TBC1D19: variants seen among roughly 807,000 people sequenced by gnomAD.
TBC1D19 encodes TBC1 domain family, member 19.
Under a neutral mutation model 89.0 loss-of-function variants are expected in TBC1D19, and 60 were observed. The observed-to-expected ratio is 0.67, with a 90% CI of 0.55 to 0.84. The LOEUF is 0.84. TBC1D19 is among the 40% of genes least tolerant of loss of function. The pLI is 0.00. For synonymous variants in TBC1D19, 189 were observed against 199.7 expected, an observed-to-expected ratio of 0.95 and a Z score of 0.45; for missense variants, 500 against 610.8, an observed-to-expected ratio of 0.82 and a Z score of 1.91.
At chr4:26,596,455 CGTGTGTGTGTGTGT>C (rs35226421) in intron 1 of TBC1D19, among the ~76,000 whole-genome samples, 3,375 of 145,094 alleles carry the variant, frequency 0.023, 124 homozygotes, top group African/African-American at 0.08. Flanking sequence ...AATGGTAACT[CGTGTGTGTGTGTGT>C]GTGTGTGTGT....
chr4:26,652,500 C>A (rs1009256809), intron 7 of TBC1D19, among the ~76,000 whole-genome samples: 41 of 152,294 alleles, frequency 2.7e-4, no homozygotes, highest in African/African-American at 9.9e-4. Context: ...TCTTGCCTCC[C>A]TGAGAGCTGG....
the TBC1D19 span, among the ~76,000 whole-genome samples, chr4:26,768,942 C>G: frequency 6.6e-6 from 1 of 151,692 alleles, no homozygotes; most frequent in African/African-American, 2.4e-5. Context: ...AATTAAAACT[C>G]TCCTGTCCAA....
chr4:26,638,662 G>T (rs2110075138), intron 5 of TBC1D19, 109 bp from the exon 6 acceptor site: 3 of 803,180 alleles, frequency 3.7e-6, no homozygotes, highest in Non-Finnish European at 6.0e-6. Flanking sequence ...AAATTATACT[G>T]TTATGGTCAT....
At chr4:26,702,068 C>G (rs1191905457) in intron 13 of TBC1D19, among the ~76,000 whole-genome samples, 1 of 152,120 alleles carries the variant, frequency 6.6e-6, no homozygotes, top group Non-Finnish European at 1.5e-5. Context: ...AGGGGCTTGA[C>G]AGGTAATAAA....
At chr4:26,844,423 G>A in the TBC1D19 span, among the ~76,000 whole-genome samples, 1 of 152,120 alleles carries the variant, frequency 6.6e-6, no homozygotes. Context: ...CTAGCTAAGT[G>A]GATTTCCAGA....
chr4:26,807,259 T>C, the TBC1D19 span, among the ~76,000 whole-genome samples: 2 of 152,056 alleles, frequency 1.3e-5, no homozygotes, highest in Non-Finnish European at 2.9e-5. Flanking sequence ...TCAGCCAAGG[T>C]AAGCCCAACA....
intron 1 of TBC1D19, among the ~76,000 whole-genome samples, chr4:26,605,663 C>A (rs1360434643): frequency 6.6e-6 from 1 of 152,172 alleles, no homozygotes; most frequent in Non-Finnish European, 1.5e-5. Flanking sequence ...AGTTTACAGT[C>A]CCACCAACAG....
intron 12 of TBC1D19, among the ~76,000 whole-genome samples, chr4:26,684,634 A>G (rs1713651348): frequency 6.6e-6 from 1 of 152,202 alleles, no homozygotes. Context: ...ATAGGATATG[A>G]ATAATTCTGA....
chr4:26,726,290 A>C lies in TBC1D19; in HGVS notation c.1084+6165A>C, dbSNP rs1717318951. Among the ~76,000 whole-genome samples the C allele has an allele frequency of 2.0e-5, 3 of 152,176 alleles. No individual in the cohort carries two copies. The South Asian group carries it at 6.2e-4, about 32-fold the overall frequency. On this transcript the variant is annotated intron_variant, in intron 15 of 20. Coordinates refer to ENST00000264866, the MANE Select transcript of TBC1D19 (RefSeq NM_018317.4). ...GACAGCCCCTTACAACAAAGATTAGATAAGGCTCTTAGAAGAAAAATAATC... is the reference window on the plus strand; with the variant it reads ...GACAGCCCCTTACAACAAAGATTAGCTAAGGCTCTTAGAAGAAAAATAATC...
the TBC1D19 span, among the ~76,000 whole-genome samples, chr4:26,772,043 G>T: frequency 6.6e-6 from 1 of 151,170 alleles, no homozygotes; most frequent in Non-Finnish European, 1.5e-5. Context: ...TATCAGAAAT[G>T]AGAGAGATAA....
At chr4:26,839,425 G>A in the TBC1D19 span, among the ~76,000 whole-genome samples, 3 of 151,982 alleles carry the variant, frequency 2.0e-5, no homozygotes, top group Non-Finnish European at 2.9e-5. Context: ...GTCTTGAATC[G>A]ATTTTTTTCT....
At chr4:26,621,490 T>G (rs1742043935) in intron 4 of TBC1D19, among the ~76,000 whole-genome samples, 1 of 152,182 alleles carries the variant, frequency 6.6e-6, no homozygotes, top group South Asian at 2.1e-4. Flanking sequence ...CAAAGGTACC[T>G]CAAAGAACTC....
chr4:26,655,484 G>A (rs1356272780), intron 7 of TBC1D19, among the ~76,000 whole-genome samples: 1 of 152,214 alleles, frequency 6.6e-6, no homozygotes, highest in Non-Finnish European at 1.5e-5. Context: ...AGTCTAGAGA[G>A]GCAAGCAGGC....
At chr4:26,726,298 C>T (rs1016035451) in intron 15 of TBC1D19, among the ~76,000 whole-genome samples, 2 of 151,978 alleles carry the variant, frequency 1.3e-5, no homozygotes, top group Admixed American at 6.6e-5. Flanking sequence ...AGATAAGGCT[C>T]TTAGAAGAAA....
chr4:26,738,382 T>C (rs541164877), intron 16 of TBC1D19, among the ~76,000 whole-genome samples: 1 of 151,754 alleles, frequency 6.6e-6, no homozygotes, highest in Non-Finnish European at 1.5e-5. Flanking sequence ...TATGCATCAT[T>C]TTTTAAAAAT....
upstream of TBC1D19, among the ~76,000 whole-genome samples, chr4:26,583,738 T>A (rs566037747): frequency 3.9e-4 from 60 of 152,332 alleles, 1 homozygote; most frequent in South Asian, 0.011. Context: ...ACGCAGGTAG[T>A]GTCAGAGCCT....
chr4:26,848,809 A>G, the TBC1D19 span, among the ~76,000 whole-genome samples: 5 of 152,134 alleles, frequency 3.3e-5, no homozygotes, highest in South Asian at 1.0e-3. Flanking sequence ...GTCTAATCAC[A>G]TTGCTTATTA....
At chr4:26,699,484 A>T (rs1185491156) in intron 13 of TBC1D19, among the ~76,000 whole-genome samples, 1 of 152,184 alleles carries the variant, frequency 6.6e-6, no homozygotes, top group Non-Finnish European at 1.5e-5. Context: ...AACTAGAAAT[A>T]CCATTTGACC....
At chr4:26,583,533 G>T (rs542247714), upstream of TBC1D19, among the ~76,000 whole-genome samples, 1 of 152,162 alleles carries the variant, frequency 6.6e-6, no homozygotes, top group Non-Finnish European at 1.5e-5. Flanking sequence ...TGGTTAATTT[G>T]TAGTTGTTAG....
Sources: allele counts gnomAD v4.1 joint callset (sites outside exome capture counted in the v4.1 genomes callset), GRCh38; gene constraint gnomAD v4.1.1; transcripts MANE v1.5; gene names NCBI Gene and HGNC (gene_info 2026-07-23, HGNC 2026-07-21).